Variants in MDM1 observed in about 807,000 individuals in gnomAD.
MDM1 encodes stabilizer of axonemal microtubules 6, also known as Mdm1 nuclear protein.
MDM1 carries 61 observed loss-of-function variants against 89.1 expected under a neutral mutation model. The observed-to-expected ratio is 0.68, with a 90% CI of 0.56 to 0.85. MDM1 has a LOEUF of 0.85. MDM1 is among the 40% of genes least tolerant of loss of function. MDM1 has a pLI of 0.00. For missense variants in MDM1, 820 were observed against 846.5 expected (o/e 0.97, Z 0.39); for synonymous variants, 290 against 294.1 (o/e 0.99, Z 0.14).
chr12:68,320,142 C>T (rs943920806), intron 7 of MDM1, among the ~76,000 whole-genome samples: 2 of 152,212 alleles, frequency 1.3e-5, no homozygotes, highest in Non-Finnish European at 2.9e-5. Flanking sequence ...CCTGCTTTTC[C>T]TCACTCCCAC....
rs761676572 is a variant in MDM1, at chr12:68,296,927, A to T, written c.2058T>A (p.Asp686Glu). The T allele has an allele frequency of 1.3e-6, 2 of 1,587,432 alleles. No individual in the cohort carries two copies. Among genetic ancestry groups the T allele is most frequent in the Non-Finnish European group, 1.7e-6 (2 of 1,169,810 alleles). ...GTTATGTGACTACTGAAATACCTTC[A>T]TCATTAAAGGCTTCATGTTGAGGTA... is the stretch of plus-strand genomic sequence containing the variant. ...LQLPQHEAFN[D>E]EDEDRLSEIS... Residue 686 changes from aspartate (D) to glutamate (E), a missense_variant, in exon 14 of 15, where the codon GAT becomes GAA. Asp to Glu is a conservative substitution (Grantham distance 45). Coordinates refer to ENST00000682720, the MANE Select transcript of MDM1 (RefSeq NM_001354969.2).
At position 68,332,211 on chromosome 12, in the gene MDM1, G is replaced by A. The variant is rs370047151; in HGVS notation, c.18+17C>T. On this transcript the variant is annotated intron_variant, in intron 1 of 14. Transcript: ENST00000682720. ...GCTCCCCCCAGCCACATTCCGGCCC[G>A]GGGACCCCAGCCTCACCTTGAAGCG... 1.2e-4 allele frequency: 191 copies of A among 1,556,220 alleles called. 1 individual carries two copies. In the African/African-American group the frequency reaches 2.4e-3, roughly 19 times the overall value.
In MDM1 at chr12:68,316,199, G is replaced by A. The variant is rs1018013947; in HGVS notation, c.1090C>T (p.His364Tyr). The A allele has an allele frequency of 1.1e-5, 17 of 1,614,064 alleles. No individual in the cohort carries two copies. Among genetic ancestry groups the A allele is most frequent in the Non-Finnish European group, 1.3e-5 (15 of 1,179,992 alleles). ...EFYRKRVQGT[H>Y]FSRDHLNQIL... is the part of the protein sequence containing the mutation. ...TGATTCAGATGGTCCCGAGAAAAATGCGTCCCCTGAACTCGCTTCCTATAA... is the reference window on the plus strand; with the variant it reads ...TGATTCAGATGGTCCCGAGAAAAATACGTCCCCTGAACTCGCTTCCTATAA... The change falls in exon 9 of 15, where the codon CAT (histidine) becomes TAT (tyrosine). Residue 364 changes from histidine (H) to tyrosine (Y), a missense_variant. Coordinates refer to ENST00000682720, the MANE Select transcript of MDM1 (RefSeq NM_001354969.2).
intron 12 of MDM1, among the ~76,000 whole-genome samples, chr12:68,307,914 G>A (rs748464323): frequency 2.7e-5 from 4 of 148,148 alleles, no homozygotes; most frequent in Non-Finnish European, 5.9e-5. Flanking sequence ...CTCCAGCCTG[G>A]GCAACAGAGC....
At chr12:68,322,926 G>C (rs556367649) in intron 5 of MDM1, 147 bp downstream of exon 5, 1 of 704,268 alleles carries the variant, frequency 1.4e-6, no homozygotes, top group Admixed American at 3.4e-5. Context: ...TCTGCTCCTA[G>C]TAGCTGGCTC....
At chr12:68,328,604 CAAT>C in intron 2 of MDM1, among the ~76,000 whole-genome samples, 1 of 152,054 alleles carries the variant, frequency 6.6e-6, no homozygotes. Context: ...TGACGAAGCA[CAAT>C]GTTTTTCTAA....
chr12:68,330,928 C>T, intron 2 of MDM1, 179 bp downstream of exon 2: 1 of 583,778 alleles, frequency 1.7e-6, no homozygotes, highest in South Asian at 2.1e-5. Flanking sequence ...AGTCCTGGCT[C>T]ATAGTAAACC....
At position 68,314,151 on chromosome 12, in the gene MDM1, A is replaced by C. The variant is rs562734560; in HGVS notation, c.1530-398T>G. ...AACTCCGTCTCAAAAAAAAAAAAAAAAAACTTGTAAGAGAAGGCCATTTTG... is the reference window on the plus strand; with the variant it reads ...AACTCCGTCTCAAAAAAAAAAAAAACAAACTTGTAAGAGAAGGCCATTTTG... On this transcript the variant is annotated intron_variant, in intron 10 of 14. Transcript: ENST00000682720. Among the ~76,000 whole-genome samples the C allele has an allele frequency of 2.6e-5, 4 of 152,054 alleles. No individual in the cohort carries two copies. In the South Asian group the frequency reaches 8.3e-4, roughly 32 times the overall value.
At chr12:68,327,412 G>C (rs765209975) in intron 2 of MDM1, 1 of 1,535,648 alleles carries the variant, frequency 6.5e-7, no homozygotes, top group East Asian at 2.4e-5. Context: ...GTCAAAATTT[G>C]GAACTTTTCA....
chr12:68,331,259 A>C (rs1876773167), intron 1 of MDM1, 38 bp from the exon 2 acceptor site: 1 of 1,090,534 alleles, frequency 9.2e-7, no homozygotes, highest in Non-Finnish European at 1.4e-6. Context: ...CAGTCCAATT[A>C]ATGAATGATG....
Position 68,321,529 on chromosome 12 carries a change from G to A in MDM1, c.901C>T (p.Leu301Phe). The A allele has an allele frequency of 2.5e-6, 4 of 1,611,484 alleles. No homozygotes were observed. Among genetic ancestry groups the A allele is most frequent in the Non-Finnish European group, 3.4e-6 (4 of 1,178,292 alleles). The change falls in exon 6 of 15, where the codon CTT becomes TTT. Residue 301 changes from leucine to phenylalanine, a missense_variant. Transcript: ENST00000682720. ...TTTTCCTATTAAAATACATACCCAAGCCTTTGATGTTTCCAAGGAGTAAGC... is the reference window on the plus strand; with the variant it reads ...TTTTCCTATTAAAATACATACCCAAACCTTTGATGTTTCCAAGGAGTAAGC... ...RKLTPWKHQR[L>F]GKVNSEYRAK...
intron 7 of MDM1, among the ~76,000 whole-genome samples, chr12:68,320,598 A>C (rs760085462): frequency 6.6e-6 from 1 of 152,196 alleles, no homozygotes; most frequent in South Asian, 2.1e-4. Flanking sequence ...AGCTAAATAA[A>C]AGACTCATTC....
At chr12:68,327,796 A>T (rs1003038948) in intron 2 of MDM1, among the ~76,000 whole-genome samples, 1 of 152,192 alleles carries the variant, frequency 6.6e-6, no homozygotes, top group African/African-American at 2.4e-5. Context: ...TGTCTTGGCC[A>T]TGTCACCCCG....
chr12:68,327,886 T>C (rs1186275931), intron 2 of MDM1, among the ~76,000 whole-genome samples: 2 of 152,186 alleles, frequency 1.3e-5, no homozygotes, highest in Admixed American at 6.5e-5. Context: ...CACACAAAGA[T>C]GTTTTAGGAG....
At chr12:68,301,324 G>A (rs747776134) in intron 13 of MDM1, among the ~76,000 whole-genome samples, 23 of 152,202 alleles carry the variant, frequency 1.5e-4, no homozygotes, top group Non-Finnish European at 3.2e-4. Context: ...TAAGATGGAG[G>A]TGGAGGTCAT....
chr12:68,327,759 C>G (rs1876223420), intron 2 of MDM1, among the ~76,000 whole-genome samples: 1 of 152,062 alleles, frequency 6.6e-6, no homozygotes, highest in South Asian at 2.1e-4. Context: ...GAGGTAAAAC[C>G]CAGGGCTCCT....
intron 9 of MDM1, 129 bp from the exon 10 acceptor site, chr12:68,315,394 C>T: frequency 3.7e-6 from 3 of 810,068 alleles, no homozygotes; most frequent in Non-Finnish European, 5.7e-6. Context: ...TATTGCCTTG[C>T]TCAGGTATTG....
At chr12:68,332,022 G>T in intron 1 of MDM1, 1 of 723,344 alleles carries the variant, frequency 1.4e-6, no homozygotes, top group Non-Finnish European at 2.5e-6. Context: ...TCGACACACT[G>T]CAGCTTGCAA....
At chr12:68,325,694 A>G (rs2121135475) in intron 3 of MDM1, 119 bp from the exon 4 acceptor site, 2 of 1,357,992 alleles carry the variant, frequency 1.5e-6, no homozygotes, top group Non-Finnish European at 9.6e-7. Flanking sequence ...TTAAATCTAC[A>G]GTGCAAAATT....
Sources: allele counts gnomAD v4.1 joint callset (sites outside exome capture counted in the v4.1 genomes callset), GRCh38; gene constraint gnomAD v4.1.1; transcripts MANE v1.5; gene names NCBI Gene and HGNC (gene_info 2026-07-23, HGNC 2026-07-21).